MFSD8: variants seen among roughly 807,000 people sequenced by gnomAD.
MFSD8 encodes major facilitator superfamily domain containing 8, also known as major facilitator superfamily domain-containing protein 8.
MFSD8 carries 55 observed loss-of-function variants against 66.4 expected under a neutral mutation model. The ratio of observed to expected loss-of-function variants is 0.83; its 90% CI spans 0.67 to 1.04. MFSD8 has a LOEUF of 1.04. MFSD8 is among the 50% of genes least tolerant of loss of function. MFSD8 has a pLI of 0.00. For synonymous variants in MFSD8, 202 were observed against 212.8 expected, an observed-to-expected ratio of 0.95 and a Z score of 0.44; for missense variants, 550 against 627.6, an observed-to-expected ratio of 0.88 and a Z score of 1.32.
At chr4:127,930,549 C>T in intron 9 of MFSD8, 134 bp downstream of exon 9, 4 of 983,552 alleles carry the variant, frequency 4.1e-6, no homozygotes, top group Non-Finnish European at 6.0e-6. Context: ...ATATGATAAT[C>T]TCTTAATAAA....
At position 127,920,557 on chromosome 4, in the gene MFSD8, C is replaced by T. The variant is rs1033247695; in HGVS notation, c.*73G>A. The T allele has an allele frequency of 7.0e-5, 103 of 1,479,466 alleles. No individual in the cohort carries two copies. The South Asian group carries it at 7.9e-4, about 11-fold the overall frequency. The allele number at this position is 1,479,466 out of a possible 1,614,324, so 91.6% of individuals were successfully genotyped here. A position where few individuals can be genotyped will look rare whatever the true frequency, so the allele number is the denominator to read the frequency against. On this transcript the variant is annotated 3_prime_UTR_variant, in exon 12 of 12. Transcript: ENST00000641686. Reference sequence around the variant, plus strand: ...GTCTGATTCTTGGAGACTGGCTCACCGCAATTGTCTAGCAGAGCTTTAGAC... The same window carrying T: ...GTCTGATTCTTGGAGACTGGCTCACTGCAATTGTCTAGCAGAGCTTTAGAC...
intron 5 of MFSD8, among the ~76,000 whole-genome samples, chr4:127,940,909 T>C (rs1051576103): frequency 6.6e-6 from 1 of 152,230 alleles, no homozygotes; most frequent in Admixed American, 6.5e-5. Flanking sequence ...ACACAATAAA[T>C]GTTAGTGCTT....
intron 9 of MFSD8, among the ~76,000 whole-genome samples, chr4:127,927,114 G>C (rs1737331062): frequency 6.6e-6 from 1 of 152,068 alleles, no homozygotes. Context: ...GTGAGTGTTG[G>C]AGTGTGTTTA....
At chr4:127,962,746 T>C (rs1434078998) in intron 1 of MFSD8, among the ~76,000 whole-genome samples, 1 of 152,214 alleles carries the variant, frequency 6.6e-6, no homozygotes, top group Non-Finnish European at 1.5e-5. Context: ...CAATAGGCTC[T>C]CAGGACATCA....
chr4:127,921,876 G>T lies in MFSD8; in HGVS notation c.1086C>A (p.Pro362=). ...FILLPWGNQF[P]KIQWEDLHNN... ...TGGCTATACCTTCCCACTGTATTTT[G>T]GGAAATTGATTTCCCCAAGGTAACA... The change falls in exon 10 of 12, where the codon CCC becomes CCA. Residue 362 remains proline (P), a synonymous_variant. Coordinates refer to ENST00000641686, the MANE Select transcript of MFSD8 (RefSeq NM_001371596.2). The T allele has an allele frequency of 6.2e-7, 1 of 1,614,000 alleles. No individual in the cohort carries two copies. Among genetic ancestry groups the T allele is most frequent in the African/African-American group, 1.3e-5 (1 of 74,992 alleles).
chr4:127,938,923 T>C (rs1739610427), intron 6 of MFSD8, 85 bp from the exon 7 acceptor site: 4 of 1,074,430 alleles, frequency 3.7e-6, no homozygotes, highest in Non-Finnish European at 5.6e-6. Flanking sequence ...TGTATTTTTT[T>C]TCACATTCTA....
rs1272831276 is a variant in MFSD8, at chr4:127,920,631, T to C, written c.1556A>G (p.Ter519=). ...LSVRYGRIQE[*] ...GTTTCCATCACAGTCTTAGCTAGTT[T>C]ATTCCTGAATCCTCCCATATCTTAC... The change falls in exon 12 of 12, where the codon TAA becomes TGA. Residue 519 remains the stop codon, a stop_retained_variant. Coordinates refer to ENST00000641686, the MANE Select transcript of MFSD8 (RefSeq NM_001371596.2). The C allele has an allele frequency of 6.2e-7, 1 of 1,613,994 alleles. No homozygotes were observed. The highest frequency in any genetic ancestry group is 8.5e-7 in the Non-Finnish European group (1 of 1,179,994).
chr4:127,917,764 A>G (rs1405816088), downstream of MFSD8: 1 of 152,200 alleles, frequency 6.6e-6, no homozygotes, highest in Non-Finnish European at 1.5e-5. Flanking sequence ...CCCCTTAAAT[A>G]TGTACTGAAA....
intron 1 of MFSD8, 84 bp from the exon 2 acceptor site, chr4:127,957,676 T>A (rs186960563): frequency 6.0e-5 from 54 of 898,930 alleles, no homozygotes; most frequent in South Asian, 3.0e-4. Context: ...TCTCTAGTTA[T>A]GAAAATGATG....
At chr4:127,950,852 G>C (rs1230889429) in intron 2 of MFSD8, among the ~76,000 whole-genome samples, 1 of 151,720 alleles carries the variant, frequency 6.6e-6, no homozygotes. Flanking sequence ...GAGGCCAGGA[G>C]TTTGAGACCA....
Position 127,920,717 on chromosome 4 carries a change from T to C in MFSD8, c.1470A>G (p.Gly490=), listed in dbSNP as rs1477527807. 1.2e-6 allele frequency: 2 copies of C among 1,613,988 alleles called. No individual in the cohort carries two copies. Among genetic ancestry groups the C allele is most frequent in the Non-Finnish European group, 1.7e-6 (2 of 1,180,004 alleles). ...GPRWAFSLVC[G]IIVLTITLLG... ...GGAGGGTGATGGTGAGCACTATTAT[T>C]CCACACACCAGGCTGAATGCCCATC... The change falls in exon 12 of 12, where the codon GGA becomes GGG. Residue 490 remains glycine (G), a synonymous_variant. Coordinates refer to ENST00000641686, the MANE Select transcript of MFSD8 (RefSeq NM_001371596.2).
chr4:127,958,632 G>GA (rs946807898), intron 1 of MFSD8, among the ~76,000 whole-genome samples: 4 of 151,126 alleles, frequency 2.6e-5, no homozygotes, highest in African/African-American at 7.3e-5. Flanking sequence ...AAGGAGATAA[G>GA]AAAAAAATAA....
chr4:127,944,004 G>C lies in MFSD8; in HGVS notation c.199-12C>G, dbSNP rs758845478. On this transcript the variant is annotated splice_polypyrimidine_tract_variant and intron_variant, in intron 3 of 11. Transcript: ENST00000641686. ...GCTGTCGGATCAATCTGCAGAAAAA[G>C]GTACAGTGCTTTAAGAATTGTTATC... 9.9e-6 allele frequency: 16 copies of C among 1,613,870 alleles called. No individual in the cohort carries two copies. In the South Asian group the frequency reaches 1.8e-4, roughly 18 times the overall value.
At chr4:127,937,646 C>T (rs556147456) in intron 7 of MFSD8, among the ~76,000 whole-genome samples, 7 of 152,284 alleles carry the variant, frequency 4.6e-5, no homozygotes, top group African/African-American at 1.4e-4. Flanking sequence ...ACATTTGATA[C>T]AGTTTCTTTT....
intron 1 of MFSD8, among the ~76,000 whole-genome samples, chr4:127,961,110 C>T (rs1156851634): frequency 6.6e-6 from 1 of 152,008 alleles, no homozygotes; most frequent in African/African-American, 2.4e-5. Flanking sequence ...TCCACCAGAC[C>T]AGCAAATAAT....
chr4:127,938,582 C>CAAA (rs1174151589), intron 7 of MFSD8, among the ~76,000 whole-genome samples: 21 of 110,526 alleles, frequency 1.9e-4, no homozygotes, highest in African/African-American at 3.9e-4. Flanking sequence ...AACTCTGTCT[C>CAAA]AAAAAAAAAA....
At chr4:127,961,641 C>T (rs1017266541) in intron 1 of MFSD8, among the ~76,000 whole-genome samples, 3 of 151,792 alleles carry the variant, frequency 2.0e-5, no homozygotes, top group African/African-American at 7.3e-5. Flanking sequence ...GGTGAAACCC[C>T]GTCTCTACTA....
chr4:127,954,305 T>C (rs986864335), intron 2 of MFSD8, among the ~76,000 whole-genome samples: 2 of 151,292 alleles, frequency 1.3e-5, no homozygotes, highest in Admixed American at 1.3e-4. Flanking sequence ...TAAAAATAAG[T>C]TGAGGTTAGA....
intron 2 of MFSD8, among the ~76,000 whole-genome samples, chr4:127,957,142 G>A (rs1000575410): frequency 3.3e-5 from 5 of 151,986 alleles, no homozygotes; most frequent in Non-Finnish European, 4.4e-5. Context: ...GACATTGAGT[G>A]AAATAATCTC....
Sources: allele counts gnomAD v4.1 joint callset (sites outside exome capture counted in the v4.1 genomes callset), GRCh38; gene constraint gnomAD v4.1.1; transcripts MANE v1.5; gene names NCBI Gene and HGNC (gene_info 2026-07-23, HGNC 2026-07-21).